Variants in CALCR observed in about 807,000 individuals in gnomAD.
CALCR encodes calcitonin receptor.
In CALCR, 47 loss-of-function variants were observed where a neutral mutation model predicts 59.5. The observed-to-expected ratio is 0.79, with a 90% CI of 0.63 to 1.01. The LOEUF is 1.01. Among genes scored for constraint, CALCR ranks in the 50% least tolerant of loss-of-function variants. The pLI is 0.00. For synonymous variants in CALCR, 213 were observed against 211.3 expected (o/e 1.01, Z -0.07); for missense variants, 566 against 597.1 (o/e 0.95, Z 0.54).
At chr7:93,486,589 A>G (rs910452254) in intron 3 of CALCR, among the ~76,000 whole-genome samples, 4 of 151,644 alleles carry the variant, frequency 2.6e-5, no homozygotes, top group African/African-American at 9.6e-5. Flanking sequence ...CTAAGATTCA[A>G]AACATAGTTT....
At chr7:93,546,176 T>G (rs950646262) in intron 2 of CALCR, among the ~76,000 whole-genome samples, 2 of 152,176 alleles carry the variant, frequency 1.3e-5, no homozygotes, top group Non-Finnish European at 2.9e-5. Flanking sequence ...CCAGGTATCA[T>G]GCCAGGTGTT....
At chr7:93,521,567 T>A (rs1324647102) in intron 2 of CALCR, among the ~76,000 whole-genome samples, 1 of 152,160 alleles carries the variant, frequency 6.6e-6, no homozygotes, top group Non-Finnish European at 1.5e-5. Context: ...ATTACAGAGC[T>A]ATAAGATCCC....
intron 2 of CALCR, among the ~76,000 whole-genome samples, chr7:93,491,091 G>C (rs1436848192): frequency 6.6e-6 from 1 of 152,078 alleles, no homozygotes; most frequent in East Asian, 1.9e-4. Flanking sequence ...AGAGACCTCA[G>C]AAATAACACC....
intron 2 of CALCR, among the ~76,000 whole-genome samples, chr7:93,573,657 T>G (rs1169750167): frequency 2.0e-5 from 3 of 152,220 alleles, no homozygotes; most frequent in Non-Finnish European, 4.4e-5. Context: ...GAAAAGGAAT[T>G]AATTTGTTAC....
intron 8 of CALCR, among the ~76,000 whole-genome samples, chr7:93,444,591 T>C (rs1799974879): frequency 6.6e-6 from 1 of 152,038 alleles, no homozygotes; most frequent in Admixed American, 6.6e-5. Flanking sequence ...ATCCACTAGA[T>C]GTTAGTGGCA....
At chr7:93,428,449 A>C (rs1799577803) in intron 13 of CALCR, among the ~76,000 whole-genome samples, 1 of 152,244 alleles carries the variant, frequency 6.6e-6, no homozygotes, top group East Asian at 1.9e-4. Context: ...TGCCCCATTG[A>C]GAAACTGGGA....
intron 3 of CALCR, chr7:93,483,929 G>C (rs1447518993): frequency 2.1e-6 from 1 of 475,142 alleles, no homozygotes; most frequent in Non-Finnish European, 4.6e-6. Flanking sequence ...CTTAATTGTT[G>C]TCCCATGTAG....
intron 2 of CALCR, among the ~76,000 whole-genome samples, chr7:93,490,614 A>G (rs944671413): frequency 6.6e-6 from 1 of 151,826 alleles, no homozygotes; most frequent in South Asian, 2.1e-4. Flanking sequence ...ATCCAACAAT[A>G]GACAAGCAGA....
chr7:93,434,213 A>G (rs202061637), intron 13 of CALCR, 40 bp downstream of exon 13: 93 of 1,472,394 alleles, frequency 6.3e-5, no homozygotes, highest in Admixed American at 5.0e-5. Context: ...TGCTGCCTTT[A>G]CACAAACAAG....
chr7:93,513,869 T>C (rs1801600197), intron 2 of CALCR, among the ~76,000 whole-genome samples: 2 of 151,844 alleles, frequency 1.3e-5, no homozygotes, highest in South Asian at 4.1e-4. Flanking sequence ...TACAAATAAA[T>C]ATATAGATAC....
At chr7:93,570,393 A>G (rs1789974757) in intron 2 of CALCR, among the ~76,000 whole-genome samples, 1 of 152,206 alleles carries the variant, frequency 6.6e-6, no homozygotes, top group Non-Finnish European at 1.5e-5. Flanking sequence ...ACTTAGAGGA[A>G]GAAAAATGTA....
Position 93,435,975 on chromosome 7 carries a change from T to C in CALCR, c.1126A>G (p.Met376Val), listed in dbSNP as rs754344323. ...KMLGKIYDYVMHSLIHFQGFF... is the reference protein window; with the variant it reads ...KMLGKIYDYVVHSLIHFQGFF... The stretch of plus-strand genomic sequence containing the variant: ...ACCTGGAAATGAATCAGAGAGTGCA[T>C]CACGTAATCATATATCTTCCCAAGC... The change falls in exon 12 of 14, where the codon ATG becomes GTG. Residue 376 changes from methionine to valine, a missense_variant. By Grantham distance (21) the Met-to-Val change is conservative (BLOSUM62 1). Coordinates refer to ENST00000426151, the MANE Select transcript of CALCR (RefSeq NM_001742.4). 5 of 1,611,000 alleles carry C rather than the reference T, an allele frequency of 3.1e-6. No individual in the cohort carries two copies. In the Admixed American group the frequency reaches 6.7e-5, roughly 21 times the overall value.
At chr7:93,553,691 G>T (rs578050205) in intron 2 of CALCR, among the ~76,000 whole-genome samples, 3 of 152,214 alleles carry the variant, frequency 2.0e-5, no homozygotes, top group African/African-American at 7.2e-5. Context: ...TTGTTATGAT[G>T]ATTCTATGAG....
At chr7:93,462,729 G>A (rs1393767889) in intron 7 of CALCR, among the ~76,000 whole-genome samples, 3 of 151,958 alleles carry the variant, frequency 2.0e-5, no homozygotes, top group East Asian at 3.9e-4. Context: ...TCAATAATCT[G>A]CTGTTGTACA....
chr7:93,500,917 T>C (rs767530127), intron 2 of CALCR, among the ~76,000 whole-genome samples: 1 of 152,014 alleles, frequency 6.6e-6, no homozygotes, highest in Non-Finnish European at 1.5e-5. Context: ...AATTTAATCA[T>C]TACAAACTTT....
At chr7:93,468,694 A>G (rs756896362) in intron 7 of CALCR, 21 bp downstream of exon 7, 2 of 1,490,894 alleles carry the variant, frequency 1.3e-6, no homozygotes, top group Non-Finnish European at 1.9e-6. Context: ...AATAAAGAGC[A>G]GATGCTGTGA....
intron 2 of CALCR, among the ~76,000 whole-genome samples, chr7:93,554,811 T>C (rs1320036433): frequency 1.5e-5 from 2 of 129,742 alleles, no homozygotes; most frequent in Non-Finnish European, 3.1e-5. Context: ...CATGTCATTT[T>C]AGAAAGTACA....
intron 8 of CALCR, among the ~76,000 whole-genome samples, chr7:93,454,471 GA>G (rs1314066782): frequency 6.6e-6 from 1 of 151,826 alleles, no homozygotes; most frequent in African/African-American, 2.4e-5. Context: ...GTGCCTTTCA[GA>G]ACCAGATAAA....
chr7:93,565,794 C>T (rs1014454262), intron 2 of CALCR, among the ~76,000 whole-genome samples: 7 of 152,138 alleles, frequency 4.6e-5, no homozygotes, highest in South Asian at 2.1e-4. Context: ...GAATCTTGGG[C>T]GAAAGAAATT....
Sources: allele counts gnomAD v4.1 joint callset (sites outside exome capture counted in the v4.1 genomes callset), GRCh38; gene constraint gnomAD v4.1.1; transcripts MANE v1.5; gene names NCBI Gene and HGNC (gene_info 2026-07-23, HGNC 2026-07-21).